Variants in LAMA4 observed in about 807,000 individuals in gnomAD.
LAMA4 encodes the protein laminin subunit alpha-4.
A neutral mutation model predicts 207.1 loss-of-function variants in LAMA4; 127 were observed. The observed-to-expected ratio is 0.61, with a 90% CI of 0.53 to 0.71. The LOEUF (loss-of-function observed/expected upper bound fraction) is 0.71, where lower values mean the gene tolerates loss of function less well. LAMA4 is among the 30% of genes least tolerant of loss of function. The pLI is 0.00. For missense variants in LAMA4, 2,093 were observed against 2,246.5 expected, an observed-to-expected ratio of 0.93 and a Z score of 1.38; for synonymous variants, 761 against 816.0, an observed-to-expected ratio of 0.93 and a Z score of 1.15.
chr6:112,165,615 C>T (rs1583772958), intron 12 of LAMA4, among the ~76,000 whole-genome samples: 1 of 152,152 alleles, frequency 6.6e-6, no homozygotes, highest in African/African-American at 2.4e-5. Flanking sequence ...TGAACACAGG[C>T]TCTATATTTG....
chr6:112,238,819 T>C (rs1252349531), intron 2 of LAMA4, among the ~76,000 whole-genome samples: 6 of 152,240 alleles, frequency 3.9e-5, no homozygotes, highest in Admixed American at 3.9e-4. Context: ...ACAGGGCAAT[T>C]ACACGCACTA....
chr6:112,133,237 A>T (rs1779146378), intron 27 of LAMA4, 112 bp downstream of exon 27: 1 of 1,162,922 alleles, frequency 8.6e-7, no homozygotes, highest in South Asian at 1.2e-5. Context: ...TGGTGGCAGA[A>T]AGGAACCCAA....
At chr6:112,169,039 G>A (rs1410552681) in intron 12 of LAMA4, among the ~76,000 whole-genome samples, 5 of 152,230 alleles carry the variant, frequency 3.3e-5, no homozygotes, top group African/African-American at 1.2e-4. Flanking sequence ...TGGAACAGTA[G>A]GTGGACTCAG....
intron 14 of LAMA4, 44 bp downstream of exon 14, chr6:112,158,688 T>C: frequency 6.5e-7 from 1 of 1,543,686 alleles, no homozygotes. Context: ...TAATATTTTA[T>C]TCACCCCATG....
chr6:112,196,669 T>C (rs1214855938), intron 5 of LAMA4: 3 of 152,168 alleles, frequency 2.0e-5, no homozygotes, highest in Non-Finnish European at 2.9e-5. Flanking sequence ...GCAATCTCTA[T>C]TCAGCCAGAC....
Position 112,253,941 on chromosome 6 carries a change from G to T in LAMA4, c.195+15C>A, listed in dbSNP as rs1398633081. On this transcript the variant is annotated intron_variant, in intron 2 of 38. Transcript: ENST00000230538. ...CAGGTGCCCCAGCAGGGTGGCAATG[G>T]CAGGGACACTGTACCTCGGCCGCAG... 3.1e-6 allele frequency: 5 copies of T among 1,606,168 alleles called. No individual in the cohort carries two copies. The African/African-American group carries it at 6.7e-5, about 21-fold the overall frequency.
chr6:112,222,964 G>C (rs1785008355), intron 2 of LAMA4, among the ~76,000 whole-genome samples: 1 of 152,152 alleles, frequency 6.6e-6, no homozygotes, highest in South Asian at 2.1e-4. Flanking sequence ...TAAAGTAATT[G>C]TCAAGTCACT....
intron 7 of LAMA4, among the ~76,000 whole-genome samples, 199 bp from the exon 8 acceptor site, chr6:112,187,800 C>T (rs1554347245): frequency 6.6e-6 from 1 of 152,134 alleles, no homozygotes; most frequent in African/African-American, 2.4e-5. Flanking sequence ...CTAGACGCTC[C>T]TCCTCTCCTA....
Position 112,187,494 on chromosome 6 carries a change from G to A in LAMA4, c.922C>T (p.His308Tyr), listed in dbSNP as rs75775440. ...GCGTTGATTTCATTCACGTGCCTAT[G>A]AGCGGCGGCCCCAGAGGATACGCTC... ...VLSVSSGAAA[H>Y]RHVNEINATI... Residue 308 changes from histidine to tyrosine, a missense_variant, in exon 8 of 39, where the codon CAT becomes TAT. By Grantham distance (83) the His-to-Tyr change is moderately conservative. Coordinates refer to ENST00000230538, the MANE Select transcript of LAMA4 (RefSeq NM_001105206.3). 2.5e-6 allele frequency: 4 copies of A among 1,614,136 alleles called. No homozygotes were observed. The East Asian group carries it at 8.9e-5, about 36-fold the overall frequency.
chr6:112,250,575 A>G (rs1346089130), intron 2 of LAMA4, among the ~76,000 whole-genome samples: 3 of 152,148 alleles, frequency 2.0e-5, no homozygotes, highest in Non-Finnish European at 4.4e-5. Context: ...TGACAACTCA[A>G]TGTTGTCAAT....
chr6:112,188,764 C>T (rs893814833), intron 7 of LAMA4: 5 of 223,390 alleles, frequency 2.2e-5, no homozygotes, highest in Admixed American at 1.0e-4. Context: ...GTTTGTACGT[C>T]GTATTTTCAG....
chr6:112,186,487 G>T (rs181962987), intron 8 of LAMA4, among the ~76,000 whole-genome samples: 28 of 152,268 alleles, frequency 1.8e-4, no homozygotes, highest in South Asian at 6.2e-4. Context: ...GATTTAGTGG[G>T]AAAGAAAACT....
intron 38 of LAMA4, among the ~76,000 whole-genome samples, chr6:112,111,249 G>A (rs11153341): frequency 0.22 from 34,131 of 152,066 alleles, 4,006 homozygotes; most frequent in East Asian, 0.32. Flanking sequence ...TTGCCATGTT[G>A]GCCAGGCTGG....
intron 12 of LAMA4, chr6:112,166,126 G>A (rs1554339849): frequency 6.6e-6 from 1 of 152,138 alleles, no homozygotes; most frequent in African/African-American, 2.4e-5. Flanking sequence ...AATAATTATA[G>A]AAGCCTAGAT....
chr6:112,123,890 G>A (rs1421239560), intron 31 of LAMA4, among the ~76,000 whole-genome samples: 1 of 152,084 alleles, frequency 6.6e-6, no homozygotes, highest in African/African-American at 2.4e-5. Context: ...CTCTTGGATG[G>A]GGGAAATATA....
At chr6:112,193,284 G>C (rs141038025) in intron 5 of LAMA4, among the ~76,000 whole-genome samples, 3 of 152,210 alleles carry the variant, frequency 2.0e-5, no homozygotes, top group African/African-American at 7.2e-5. Context: ...CTTCAGGCTG[G>C]AGCAGAGGGA....
At chr6:112,227,376 G>A (rs1554362884) in intron 2 of LAMA4, among the ~76,000 whole-genome samples, 1 of 152,022 alleles carries the variant, frequency 6.6e-6, no homozygotes. Flanking sequence ...GCCTGACTAT[G>A]TTATTTCTTA....
chr6:112,249,728 C>T (rs1787292717), intron 2 of LAMA4, among the ~76,000 whole-genome samples: 2 of 152,138 alleles, frequency 1.3e-5, no homozygotes, highest in Admixed American at 1.3e-4. Context: ...TCAGTATCGG[C>T]ATGTGGTAAG....
Position 112,154,904 on chromosome 6 carries a change from T to C in LAMA4, c.2003A>G (p.Glu668Gly). The C allele has an allele frequency of 6.2e-7, 1 of 1,613,616 alleles. No individual in the cohort carries two copies. Among genetic ancestry groups the C allele is most frequent in the Non-Finnish European group, 8.5e-7 (1 of 1,179,560 alleles). The change falls in exon 16 of 39, where the codon GAA becomes GGA. Residue 668 changes from glutamate (E) to glycine (G), a missense_variant. Around this residue, in one of 3 missense-constraint regions of LAMA4, gnomAD observed 1,704 missense variants for 1,788.4 expected, o/e 0.95. Transcript: ENST00000230538. ...IDTQIIYHKD[E>G]SENLLNQARE... The stretch of plus-strand genomic sequence containing the variant: ...GGCTTGATTGAGGAGGTTCTCACTT[T>C]CATCTTTATGGTAAATGATTTGAGT...
Sources: gnomAD v4.1 joint callset for allele counts (sites outside exome capture counted in the v4.1 genomes callset) on GRCh38, gnomAD v4.1.1 for gene constraint, gnomAD v4.1.1 regional missense constraint, MANE v1.5 for transcripts, NCBI Gene and HGNC (gene_info 2026-07-23, HGNC 2026-07-21) for gene names.